Variants in GLG1 observed in about 807,000 individuals in gnomAD.
GLG1 encodes the protein Golgi apparatus protein 1.
Under a neutral mutation model 160.5 loss-of-function variants are expected in GLG1, and 38 were observed. The observed-to-expected ratio is 0.24, with a 90% CI of 0.18 to 0.31. The LOEUF is 0.31. Ranked by LOEUF, GLG1 falls within the 10% of genes least tolerant of loss-of-function variation. The pLI, the probability that GLG1 is intolerant of heterozygous loss-of-function variation, is 1.00. For synonymous variants in GLG1, 644 were observed against 543.4 expected (o/e 1.19, Z -2.57); for missense variants, 1,373 against 1,505.2 (o/e 0.91, Z 1.45).
chr16:74,498,465 T>TATATATATATATATATATATATATA, intron 4 of GLG1, among the ~76,000 whole-genome samples: 1 of 104,524 alleles, frequency 9.6e-6, no homozygotes, highest in Non-Finnish European at 1.9e-5. Context: ...TATATATATA[T>TATATATATATATATATATATATATA]ATTATATTTT....
chr16:74,576,196 C>CAA (rs896062527), intron 1 of GLG1, among the ~76,000 whole-genome samples: 1 of 136,352 alleles, frequency 7.3e-6, no homozygotes, highest in Non-Finnish European at 1.6e-5. Context: ...GACTCCTTCT[C>CAA]AAAAAAAAAA....
At chr16:74,516,927 C>T in intron 2 of GLG1, among the ~76,000 whole-genome samples, 1 of 152,164 alleles carries the variant, frequency 6.6e-6, no homozygotes, top group Non-Finnish European at 1.5e-5. Flanking sequence ...ATAAACACCT[C>T]TATGCAAATA....
chr16:74,503,804 T>G (rs2016502724), intron 3 of GLG1, 58 bp from the exon 4 acceptor site: 1 of 1,099,066 alleles, frequency 9.1e-7, no homozygotes, highest in Admixed American at 2.0e-5. Context: ...TCAAACAATA[T>G]TTATCAAAGA....
intron 1 of GLG1, among the ~76,000 whole-genome samples, chr16:74,565,444 A>C (rs957110081): frequency 6.6e-6 from 1 of 152,244 alleles, no homozygotes; most frequent in Non-Finnish European, 1.5e-5. Context: ...ATTTCTCAGT[A>C]CATAGGGAAC....
chr16:74,495,317 T>C (rs112472031), intron 5 of GLG1, among the ~76,000 whole-genome samples: 1 of 152,154 alleles, frequency 6.6e-6, no homozygotes, highest in African/African-American at 2.4e-5. Flanking sequence ...TTTCACCATA[T>C]TGGTCAGGCT....
intron 23 of GLG1, chr16:74,458,224 C>G (rs2014639225): frequency 2.4e-6 from 1 of 413,904 alleles, no homozygotes; most frequent in Non-Finnish European, 4.4e-6. Context: ...AAGCAGGGGA[C>G]TGTAAGTGAC....
chr16:74,560,349 A>G (rs1439509738), intron 1 of GLG1, among the ~76,000 whole-genome samples: 5 of 114,028 alleles, frequency 4.4e-5, no homozygotes, highest in African/African-American at 1.8e-4. Flanking sequence ...TTTTTTTGAG[A>G]CGGAGTCTCA....
intron 1 of GLG1, among the ~76,000 whole-genome samples, chr16:74,559,235 A>C (rs1331791514): frequency 6.6e-6 from 1 of 151,776 alleles, no homozygotes; most frequent in Non-Finnish European, 1.5e-5. Flanking sequence ...GACTTTTACT[A>C]TCAGAAGTAA....
chr16:74,600,781 A>C (rs998971746), intron 1 of GLG1, among the ~76,000 whole-genome samples: 3 of 151,830 alleles, frequency 2.0e-5, no homozygotes, highest in South Asian at 2.1e-4. Context: ...CAGAAATTTC[A>C]AGCTAAGAAT....
intron 1 of GLG1, among the ~76,000 whole-genome samples, chr16:74,569,238 G>A (rs941456138): frequency 6.6e-6 from 1 of 152,226 alleles, no homozygotes; most frequent in African/African-American, 2.4e-5. Flanking sequence ...TGAGAATGAT[G>A]TAAGATGGTC....
chr16:74,476,720 G>A (rs114865178), intron 12 of GLG1, among the ~76,000 whole-genome samples: 1 of 152,226 alleles, frequency 6.6e-6, no homozygotes, highest in South Asian at 2.1e-4. Flanking sequence ...AGCACTCAGG[G>A]AATTTTTGGG....
intron 4 of GLG1, among the ~76,000 whole-genome samples, chr16:74,497,280 A>T: frequency 1.2e-5 from 1 of 84,860 alleles, no homozygotes; most frequent in East Asian, 3.0e-4. Flanking sequence ...CAAGACAGAA[A>T]CTCTGTAAAA....
intron 1 of GLG1, among the ~76,000 whole-genome samples, chr16:74,568,497 A>T (rs900988489): frequency 2.0e-5 from 3 of 149,476 alleles, no homozygotes; most frequent in South Asian, 2.1e-4. Context: ...GGCTCACTGG[A>T]ACCTCCGCCT....
chr16:74,468,032 G>A, intron 17 of GLG1, 184 bp from the exon 18 acceptor site: 2 of 534,746 alleles, frequency 3.7e-6, no homozygotes, highest in Non-Finnish European at 6.6e-6. Flanking sequence ...GCATGGCCTT[G>A]GACCTTCTTT....
intron 1 of GLG1, among the ~76,000 whole-genome samples, chr16:74,545,739 C>T (rs2143674847): frequency 6.6e-6 from 1 of 152,306 alleles, no homozygotes; most frequent in South Asian, 2.1e-4. Context: ...ATGCAGACAT[C>T]TTTTAACATG....
chr16:74,474,589 T>G lies in GLG1; in HGVS notation c.2009A>C (p.Glu670Ala), dbSNP rs1346887416. 6.3e-7 allele frequency: 1 copy of G among 1,587,822 alleles called. No individual in the cohort carries two copies. Among genetic ancestry groups the G allele is most frequent in the South Asian group, 1.1e-5 (1 of 90,512 alleles). The change falls in exon 13 of 26, where the codon GAG becomes GCG. Residue 670 changes from glutamate (E) to alanine (A), a missense_variant. Coordinates refer to ENST00000422840, the MANE Select transcript of GLG1 (RefSeq NM_001145667.2). ...GAGGTTGCCAACTATATCTCTACAC[T>G]CCACCACCAAGTCATCCAGATGGTC... ...LQDHLDDLVVECRDIVGNLTE... is the reference protein window; with the variant it reads ...LQDHLDDLVVACRDIVGNLTE...
chr16:74,507,671 G>A (rs968331164), intron 3 of GLG1, among the ~76,000 whole-genome samples: 15 of 152,052 alleles, frequency 9.9e-5, no homozygotes, highest in African/African-American at 2.9e-4. Flanking sequence ...AGGAGGCAGA[G>A]GTTGCAGAGA....
At chr16:74,508,332 T>A (rs1597284818) in intron 3 of GLG1, among the ~76,000 whole-genome samples, 1 of 146,690 alleles carries the variant, frequency 6.8e-6, no homozygotes, top group African/African-American at 2.5e-5. Context: ...AAAAAACCGT[T>A]AAAAAAAAAA....
chr16:74,580,201 T>A (rs1488500468), intron 1 of GLG1, among the ~76,000 whole-genome samples: 1 of 152,100 alleles, frequency 6.6e-6, no homozygotes, highest in Non-Finnish European at 1.5e-5. Flanking sequence ...AACCAAATTT[T>A]ACGCCTGTGC....
Sources: allele counts gnomAD v4.1 joint callset (sites outside exome capture counted in the v4.1 genomes callset), GRCh38; gene constraint gnomAD v4.1.1; transcripts MANE v1.5; gene names NCBI Gene and HGNC (gene_info 2026-07-23, HGNC 2026-07-21).